The following TSPAN9 variants were observed in gnomAD, a reference collection of about 807,000 sequenced individuals.
The protein encoded by TSPAN9 is tetraspanin-9.
A neutral mutation model predicts 31.0 loss-of-function variants in TSPAN9; 16 were observed. The observed-to-expected ratio is 0.52, with a 90% CI of 0.35 to 0.78. The LOEUF (loss-of-function observed/expected upper bound fraction) is 0.78. Among genes scored for constraint, TSPAN9 ranks in the 30% least tolerant of loss-of-function variants. The pLI, the probability that TSPAN9 is intolerant of heterozygous loss-of-function variation, is 0.01. For missense variants in TSPAN9, 272 were observed against 312.5 expected (o/e 0.87, Z 0.98); for synonymous variants, 145 against 121.6 (o/e 1.19, Z -1.27).
chr12:3,247,792 C>G (rs1035036676), intron 3 of TSPAN9, among the ~76,000 whole-genome samples: 86 of 152,180 alleles, frequency 5.7e-4, no homozygotes, highest in Non-Finnish European at 9.6e-4. Context: ...TGTGGTTTCC[C>G]TGTCAACATC....
intron 3 of TSPAN9, among the ~76,000 whole-genome samples, chr12:3,216,690 C>T (rs934019052): frequency 1.3e-5 from 2 of 152,236 alleles, no homozygotes; most frequent in East Asian, 1.9e-4. Context: ...AGGTGTGGTC[C>T]GGAGGTGGTT....
intron 2 of TSPAN9, among the ~76,000 whole-genome samples, chr12:3,193,602 T>C (rs2098365582): frequency 6.6e-6 from 1 of 152,180 alleles, no homozygotes. Context: ...GGGGGGCAGC[T>C]TTGCTCTTGG....
chr12:3,269,125 CTGCCCTCTGTGCGTTCCTGCAGCT>C, intron 3 of TSPAN9, among the ~76,000 whole-genome samples: 1 of 103,970 alleles, frequency 9.6e-6, no homozygotes, highest in Admixed American at 9.3e-5. Flanking sequence ...TTCCTGCAGC[CTGCCCTCTGTGCGTTCCTGCAGCT>C]TGCCCTCTGT....
chr12:3,209,823 G>A (rs2098377428), intron 3 of TSPAN9, among the ~76,000 whole-genome samples: 1 of 152,092 alleles, frequency 6.6e-6, no homozygotes, highest in Non-Finnish European at 1.5e-5. Flanking sequence ...GCCGGGCGCG[G>A]TGGTGGGCGC....
chr12:3,130,616 C>T (rs764331333), intron 2 of TSPAN9, among the ~76,000 whole-genome samples: 4 of 152,136 alleles, frequency 2.6e-5, no homozygotes, highest in Non-Finnish European at 5.9e-5. Context: ...ACTGCGTGAC[C>T]TCGGGCAAGC....
At chr12:3,281,932 C>T (rs746092387) in intron 8 of TSPAN9, 115 bp downstream of exon 8, 2 of 1,155,716 alleles carry the variant, frequency 1.7e-6, no homozygotes, top group South Asian at 1.3e-5. Flanking sequence ...TGGAATTCAT[C>T]ACAGCTATTC....
intron 2 of TSPAN9, among the ~76,000 whole-genome samples, chr12:3,198,506 C>T (rs546985862): frequency 3.5e-4 from 42 of 121,148 alleles, no homozygotes; most frequent in African/African-American, 1.4e-3. Flanking sequence ...CACAGGCCAC[C>T]ACCAGCACAG....
At chr12:3,259,827 GA>G (rs2153978924) in intron 3 of TSPAN9, among the ~76,000 whole-genome samples, 1 of 152,352 alleles carries the variant, frequency 6.6e-6, no homozygotes, top group South Asian at 2.1e-4. Context: ...AACCACTGGA[GA>G]AATTTGAACA....
At chr12:3,208,855 T>G (rs886343833) in intron 3 of TSPAN9, among the ~76,000 whole-genome samples, 2 of 152,172 alleles carry the variant, frequency 1.3e-5, no homozygotes, top group East Asian at 3.9e-4. Flanking sequence ...GTACGCCACA[T>G]GTATTGGCAT....
chr12:3,233,485 G>T (rs1177681344), intron 3 of TSPAN9, among the ~76,000 whole-genome samples: 1 of 152,162 alleles, frequency 6.6e-6, no homozygotes, highest in Non-Finnish European at 1.5e-5. Context: ...TTCCCTAAAC[G>T]ATGCATTCTA....
chr12:3,208,020 G>A (rs2098376254), intron 3 of TSPAN9, among the ~76,000 whole-genome samples: 2 of 152,216 alleles, frequency 1.3e-5, no homozygotes, highest in African/African-American at 2.4e-5. Flanking sequence ...CTGTAGGGCC[G>A]TGCTGAGGCC....
intron 3 of TSPAN9, among the ~76,000 whole-genome samples, chr12:3,243,451 G>A (rs2098397688): frequency 6.6e-6 from 1 of 152,176 alleles, no homozygotes; most frequent in African/African-American, 2.4e-5. Context: ...AGTTTGTGGT[G>A]CACCAGCTCT....
At chr12:3,238,043 C>T (rs540508608) in intron 3 of TSPAN9, among the ~76,000 whole-genome samples, 2 of 152,182 alleles carry the variant, frequency 1.3e-5, no homozygotes, top group East Asian at 1.9e-4. Context: ...TCTCCTCTTC[C>T]TTCCCTCCTC....
chr12:3,161,817 G>A (rs78340286), intron 2 of TSPAN9, among the ~76,000 whole-genome samples: 62 of 140,342 alleles, frequency 4.4e-4, no homozygotes, highest in African/African-American at 1.6e-3. Context: ...CTATCTATCT[G>A]TCTGTCTGTT....
At chr12:3,236,440 G>T (rs905138354) in intron 3 of TSPAN9, among the ~76,000 whole-genome samples, 2 of 152,188 alleles carry the variant, frequency 1.3e-5, no homozygotes, top group East Asian at 1.9e-4. Flanking sequence ...TAGGTAACTT[G>T]CCCTGGGCTG....
At chr12:3,226,786 A>ATTT (rs2098387988) in intron 3 of TSPAN9, among the ~76,000 whole-genome samples, 1 of 5,644 alleles carries the variant, frequency 1.8e-4, no homozygotes, top group African/African-American at 8.4e-4. Flanking sequence ...ATATATATAT[A>ATTT]TATATATATT....
At chr12:3,250,805 G>A (rs1317727381) in intron 3 of TSPAN9, among the ~76,000 whole-genome samples, 2 of 152,228 alleles carry the variant, frequency 1.3e-5, no homozygotes, top group Non-Finnish European at 2.9e-5. Context: ...GGTGACTGTT[G>A]GCTGCCAGGC....
At chr12:3,129,059 A>G (rs35964281) in intron 2 of TSPAN9, among the ~76,000 whole-genome samples, 27,897 of 152,106 alleles carry the variant, frequency 0.18, 2,653 homozygotes, top group Middle Eastern at 0.23. Flanking sequence ...TTAGCATTGT[A>G]CCCTCAAGGT....
intron 2 of TSPAN9, among the ~76,000 whole-genome samples, chr12:3,132,684 C>A (rs1458460358): frequency 1.3e-5 from 2 of 152,218 alleles, no homozygotes; most frequent in Admixed American, 6.5e-5. Flanking sequence ...TTGGGCGAAG[C>A]CTGGCGTGGA....
Sources: allele counts gnomAD v4.1 joint callset (sites outside exome capture counted in the v4.1 genomes callset), GRCh38; gene constraint gnomAD v4.1.1; transcripts MANE v1.5; gene names NCBI Gene and HGNC (gene_info 2026-07-23, HGNC 2026-07-21).